CTDSPL: variants seen among roughly 807,000 people sequenced by gnomAD.
The protein encoded by CTDSPL is CTD small phosphatase-like protein.
Under a neutral mutation model 30.5 loss-of-function variants are expected in CTDSPL, and 8 were observed. The observed-to-expected ratio is 0.26, with a 90% CI of 0.15 to 0.47. The LOEUF (loss-of-function observed/expected upper bound fraction) is 0.47, where lower values mean the gene tolerates loss of function less well. Among genes scored for constraint, CTDSPL ranks in the 20% least tolerant of loss-of-function variants. The probability of loss-of-function intolerance (pLI) is 0.99; values close to 1 mark genes in which losing one functional copy is unlikely to be tolerated. For missense variants in CTDSPL, 248 were observed against 366.1 expected (o/e 0.68, Z 2.63); for synonymous variants, 110 against 137.9 (o/e 0.80, Z 1.42).
chr3:37,968,228 A>T, intron 5 of CTDSPL: 1 of 460,890 alleles, frequency 2.2e-6, no homozygotes, highest in Non-Finnish European at 4.3e-6. Context: ...GGCAACAGGA[A>T]AATGCCACAA....
At chr3:37,932,658 A>G (rs1171322865) in intron 1 of CTDSPL, among the ~76,000 whole-genome samples, 1 of 152,248 alleles carries the variant, frequency 6.6e-6, no homozygotes, top group Non-Finnish European at 1.5e-5. Flanking sequence ...AAGGCCATTA[A>G]GTCTCTGTCT....
chr3:37,976,042 A>T, intron 7 of CTDSPL, 148 bp downstream of exon 7: 1 of 832,398 alleles, frequency 1.2e-6, no homozygotes, highest in South Asian at 1.9e-5. Flanking sequence ...GTTGCGTGTC[A>T]TTGACCAAGT....
In CTDSPL at chr3:37,862,230, A is replaced by G. The variant is rs1029490043; in HGVS notation, c.31A>G (p.Thr11Ala). Residue 11 changes from threonine to alanine, a missense_variant, in exon 1 of 8, where the codon ACC becomes GCC. Coordinates refer to ENST00000273179, the MANE Select transcript of CTDSPL (RefSeq NM_001008392.2). This position sits in a 1 kb window ranked among gnomAD's most constrained non-coding sequence, Gnocchi z 4.3. ...CGGCCCGGCCATCATCACCCAGGTG[A>G]CCAACCCCAAGGAGGACGAGGGCCG... MDGPAIITQV[T>A]NPKEDEGRLP... 1 of 1,475,408 alleles carries G rather than the reference A, an allele frequency of 6.8e-7. No homozygotes were observed. The highest frequency in any genetic ancestry group is 2.3e-5 in the Admixed American group (1 of 43,134). 91.4% of individuals were successfully genotyped at this position (1,475,408 alleles called of 1,614,324 possible).
chr3:37,907,293 G>A (rs536752245), intron 1 of CTDSPL, among the ~76,000 whole-genome samples: 1 of 152,146 alleles, frequency 6.6e-6, no homozygotes, highest in Non-Finnish European at 1.5e-5. Context: ...TTCAAAATAG[G>A]TCTAAGGGAG....
intron 1 of CTDSPL, chr3:37,911,565 A>G (rs1334370957): frequency 9.6e-6 from 4 of 417,700 alleles, no homozygotes; most frequent in Non-Finnish European, 1.9e-5. Flanking sequence ...TAGAGTAGCT[A>G]TTTCTAATTC....
At chr3:37,964,749 G>T (rs1699281726) in intron 4 of CTDSPL, 77 bp downstream of exon 4, 17 of 1,164,184 alleles carry the variant, frequency 1.5e-5, no homozygotes, top group Non-Finnish European at 2.2e-5. Flanking sequence ...AAACAAAAAG[G>T]ATGAAAGCTT....
chr3:37,963,504 G>A (rs554080149), intron 3 of CTDSPL, among the ~76,000 whole-genome samples: 6 of 152,300 alleles, frequency 3.9e-5, no homozygotes, highest in Admixed American at 6.5e-5. Flanking sequence ...CAGGGGCTCA[G>A]AATAGATATT....
intron 1 of CTDSPL, among the ~76,000 whole-genome samples, chr3:37,886,984 T>C (rs1310226559): frequency 1.3e-5 from 2 of 152,222 alleles, no homozygotes; most frequent in African/African-American, 4.8e-5. Context: ...GCTTTCTCTT[T>C]TGAGCTCACT....
At chr3:37,884,192 G>C (rs1423492285) in intron 1 of CTDSPL, among the ~76,000 whole-genome samples, 1 of 152,022 alleles carries the variant, frequency 6.6e-6, no homozygotes, top group Non-Finnish European at 1.5e-5. Flanking sequence ...AAAATCAATA[G>C]GGGACAAGGA....
intron 1 of CTDSPL, among the ~76,000 whole-genome samples, chr3:37,915,451 T>C (rs1297599926): frequency 2.0e-5 from 3 of 152,172 alleles, no homozygotes; most frequent in African/African-American, 4.8e-5. Flanking sequence ...TACTCCTTTA[T>C]CTTTTACCCT....
At chr3:37,908,564 T>C (rs1257186592) in intron 1 of CTDSPL, among the ~76,000 whole-genome samples, 2 of 152,228 alleles carry the variant, frequency 1.3e-5, no homozygotes, top group Admixed American at 1.3e-4. Flanking sequence ...TTTCTGCTTA[T>C]GCCACTTATA....
chr3:37,955,704 A>G lies in CTDSPL; in HGVS notation c.235-1407A>G, dbSNP rs945459963. 4.9e-4 allele frequency among the ~76,000 whole-genome samples: 75 copies of G among 152,150 alleles called. 2 individuals carry two copies. The highest frequency in any genetic ancestry group is 1.8e-4 in the Non-Finnish European group (12 of 68,026). On this transcript the variant is annotated intron_variant, in intron 2 of 7. Coordinates refer to ENST00000273179, the MANE Select transcript of CTDSPL (RefSeq NM_001008392.2). ...GGGCCTACTTGAGGGTGGAGGTTAG[A>G]AGGAGGGTGAGGATGAAAAGACTAT...
intron 1 of CTDSPL, among the ~76,000 whole-genome samples, chr3:37,873,869 G>A (rs1698104186): frequency 6.6e-6 from 1 of 152,226 alleles, no homozygotes; most frequent in African/African-American, 2.4e-5. Context: ...CAACCTTAAT[G>A]AGATGCATTC....
At chr3:37,964,810 C>A in intron 4 of CTDSPL, 138 bp downstream of exon 4, 1 of 606,774 alleles carries the variant, frequency 1.6e-6, no homozygotes, top group Non-Finnish European at 2.9e-6. Context: ...CCAGGAGCTG[C>A]TTATTAACCC....
In CTDSPL at chr3:37,968,028, CT is replaced by C. The variant is rs1036017260; in HGVS notation, c.426+153del. On this transcript the variant is annotated intron_variant, in intron 5 of 7. Coordinates refer to ENST00000273179, the MANE Select transcript of CTDSPL (RefSeq NM_001008392.2). ...ATACTGTAATAAATACAATGTTTTT[CT>C]TTTTTTCACTCCAATGAATTTATTT... The C allele has an allele frequency of 6.8e-6, 4 of 590,990 alleles. No individual in the cohort carries two copies. The East Asian group carries it at 8.9e-5, about 13-fold the overall frequency. 36.6% of individuals were successfully genotyped at this position (590,990 alleles called of 1,614,324 possible).
At chr3:37,955,937 A>G (rs757383003) in intron 2 of CTDSPL, among the ~76,000 whole-genome samples, 1 of 152,188 alleles carries the variant, frequency 6.6e-6, no homozygotes, top group Non-Finnish European at 1.5e-5. Context: ...ATTATTTAAG[A>G]GCTTCTGAAA....
At position 37,971,451 on chromosome 3, in the gene CTDSPL, G is replaced by A; in HGVS notation, c.471G>A (p.Arg157=). 3 of 1,614,206 alleles carry A rather than the reference G, an allele frequency of 1.9e-6. No homozygotes were observed. The highest frequency in any genetic ancestry group is 1.1e-5 in the South Asian group (1 of 91,072). ...CACATGTGGACGAGTTCCTCCAGAG[G>A]ATGGGGCAGCTTTTTGAATGTGTGC... ...KRPHVDEFLQ[R]MGQLFECVLF... is the part of the protein sequence containing the mutation. The change falls in exon 6 of 8, where the codon AGG becomes AGA. Residue 157 remains arginine, a synonymous_variant. Coordinates refer to ENST00000273179, the MANE Select transcript of CTDSPL (RefSeq NM_001008392.2).
chr3:37,960,116 T>A (rs1199324054), intron 3 of CTDSPL, among the ~76,000 whole-genome samples: 1 of 151,920 alleles, frequency 6.6e-6, no homozygotes, highest in Non-Finnish European at 1.5e-5. Context: ...GAGGCCGAGG[T>A]GGGCGGATCA....
chr3:37,927,709 A>T (rs1351498324), intron 1 of CTDSPL, among the ~76,000 whole-genome samples: 7 of 130,750 alleles, frequency 5.4e-5, no homozygotes, highest in African/African-American at 1.0e-4. Flanking sequence ...TATATATAAA[A>T]AATGAAATCT....
Sources: allele counts gnomAD v4.1 joint callset (sites outside exome capture counted in the v4.1 genomes callset), GRCh38; gene constraint gnomAD v4.1.1; non-coding constraint Gnocchi (gnomAD v3.1); transcripts MANE v1.5; gene names NCBI Gene and HGNC (gene_info 2026-07-23, HGNC 2026-07-21).